Variants in EPS15L1 observed in about 807,000 individuals in gnomAD.
EPS15L1 encodes epidermal growth factor receptor substrate 15-like 1.
Under a neutral mutation model 117.1 loss-of-function variants are expected in EPS15L1, and 43 were observed. The ratio of observed to expected loss-of-function variants is 0.37; its 90% CI spans 0.29 to 0.47. The LOEUF is 0.47. EPS15L1 is among the 20% of genes least tolerant of loss of function. The probability of loss-of-function intolerance (pLI) is 0.99; values close to 1 mark genes in which losing one functional copy is unlikely to be tolerated. For missense variants in EPS15L1, 981 were observed against 1,164.0 expected, an observed-to-expected ratio of 0.84 and a Z score of 2.29; for synonymous variants, 459 against 470.5, an observed-to-expected ratio of 0.98 and a Z score of 0.32.
intron 12 of EPS15L1, among the ~76,000 whole-genome samples, chr19:16,415,680 G>A (rs755509285): frequency 4.6e-5 from 7 of 152,222 alleles, no homozygotes; most frequent in Non-Finnish European, 8.8e-5. Context: ...GCCACTGCAG[G>A]CCCCAGCCTC....
At chr19:16,427,823 G>A (rs955218938) in intron 8 of EPS15L1, among the ~76,000 whole-genome samples, 3 of 152,132 alleles carry the variant, frequency 2.0e-5, no homozygotes, top group Non-Finnish European at 4.4e-5. Context: ...GAACCCAGGA[G>A]GTGGAGGCTG....
chr19:16,437,349 G>A (rs1380473623), intron 5 of EPS15L1, among the ~76,000 whole-genome samples: 4 of 152,206 alleles, frequency 2.6e-5, no homozygotes, highest in African/African-American at 7.2e-5. Context: ...CAACATGGAT[G>A]AACCCTGAAA....
At chr19:16,418,189 A>C in intron 10 of EPS15L1, 85 bp from the exon 11 acceptor site, 7 of 1,462,178 alleles carry the variant, frequency 4.8e-6, no homozygotes, top group Non-Finnish European at 5.5e-6. Context: ...GCTTTTCAAA[A>C]ACGACAGCGA....
chr19:16,424,167 A>C (rs1444407482), intron 9 of EPS15L1, among the ~76,000 whole-genome samples: 1 of 152,192 alleles, frequency 6.6e-6, no homozygotes, highest in African/African-American at 2.4e-5. Flanking sequence ...ATGAGGGCAA[A>C]ATCGGGTGGC....
intron 22 of EPS15L1, among the ~76,000 whole-genome samples, chr19:16,369,268 A>G (rs2092186523): frequency 6.6e-6 from 1 of 152,184 alleles, no homozygotes; most frequent in African/African-American, 2.4e-5. Flanking sequence ...CCCGGGAGAT[A>G]AGAATCTGAG....
At chr19:16,406,665 C>T (rs987759983) in intron 13 of EPS15L1, among the ~76,000 whole-genome samples, 14 of 152,370 alleles carry the variant, frequency 9.2e-5, no homozygotes, top group South Asian at 8.3e-4. Flanking sequence ...CTAGGGGCTC[C>T]AACACCTTTG....
chr19:16,422,874 C>T (rs2092831036), intron 9 of EPS15L1, among the ~76,000 whole-genome samples: 1 of 150,420 alleles, frequency 6.6e-6, no homozygotes, highest in Admixed American at 6.7e-5. Context: ...AGGAGAATTG[C>T]TTGAACCTGG....
chr19:16,424,666 C>CT (rs914284719), intron 9 of EPS15L1, among the ~76,000 whole-genome samples: 35 of 146,932 alleles, frequency 2.4e-4, no homozygotes, highest in Non-Finnish European at 3.2e-4. Context: ...TAAATGAATA[C>CT]TTTTTTTTTT....
Position 16,434,474 on chromosome 19 carries a change from T to C in EPS15L1, c.389A>G (p.Lys130Arg). Residue 130 changes from lysine (K) to arginine (R), a missense_variant, in exon 7 of 24, where the codon AAA becomes AGA. Physicochemically the swap from Lys to Arg is conservative, Grantham distance 26 (BLOSUM62 2). Coordinates refer to ENST00000455140, the MANE Select transcript of EPS15L1 (RefSeq NM_001258374.3). ...HWAVRVEEKAKFDGIFESLLP... is the reference protein window; with the variant it reads ...HWAVRVEEKARFDGIFESLLP... ...GAGGCTTTCAAAAATCCCATCAAATTTGGCCTTTTCTTCCACCTAGTTGGA... is the reference window on the plus strand; with the variant it reads ...GAGGCTTTCAAAAATCCCATCAAATCTGGCCTTTTCTTCCACCTAGTTGGA... The C allele has an allele frequency of 6.2e-7, 1 of 1,614,020 alleles. No individual in the cohort carries two copies. Among genetic ancestry groups the C allele is most frequent in the Non-Finnish European group, 8.5e-7 (1 of 1,179,974 alleles).
In EPS15L1 at chr19:16,361,789, T is replaced by A. The variant is rs1319381559; in HGVS notation, c.2576A>T (p.Asp859Val). Residue 859 changes from aspartate (D) to valine (V), a missense_variant, in exon 23 of 24, where the codon GAC becomes GTC. Physicochemically the swap from Asp to Val is radical, Grantham distance 152. Transcript: ENST00000455140. ...GAGGACTCAACTTACAGAGGTGAAGTCTGCAAAGCCCGAGGCAGAGGCCTT... is the reference window on the plus strand; with the variant it reads ...GAGGACTCAACTTACAGAGGTGAAGACTGCAAAGCCCGAGGCAGAGGCCTT... ...PSKASASGFA[D>V]FTSFGNEEQQ... is the part of the protein sequence containing the mutation. 1.2e-6 allele frequency: 2 copies of A among 1,613,224 alleles called. No homozygotes were observed. Among genetic ancestry groups the A allele is most frequent in the East Asian group, 2.2e-5 (1 of 44,872 alleles).
chr19:16,411,791 C>G (rs886872928), intron 13 of EPS15L1, among the ~76,000 whole-genome samples: 3 of 152,180 alleles, frequency 2.0e-5, no homozygotes, highest in African/African-American at 7.2e-5. Flanking sequence ...CCTTAAACTC[C>G]TGGGCTCAAG....
rs563521816 is a variant in EPS15L1, at chr19:16,376,950, G to A, written c.2380+172C>T. ...CGGGCAGGCAGGAGGCACACACCAC[G>A]CACATACGGCACTTGCGTGGACCTG... On this transcript the variant is annotated intron_variant, in intron 22 of 23. Coordinates refer to ENST00000455140, the MANE Select transcript of EPS15L1 (RefSeq NM_001258374.3). 1.3e-3 allele frequency among the ~76,000 whole-genome samples: 205 copies of A among 152,334 alleles called. 1 individual carries two copies. The highest frequency in any genetic ancestry group is 3.4e-3 in the Middle Eastern group (1 of 294).
intron 15 of EPS15L1, among the ~76,000 whole-genome samples, chr19:16,403,299 G>A (rs901291098): frequency 1.3e-5 from 2 of 152,204 alleles, no homozygotes; most frequent in Non-Finnish European, 2.9e-5. Context: ...CCTGCATGGC[G>A]TGATGCTCCA....
intron 22 of EPS15L1, among the ~76,000 whole-genome samples, chr19:16,374,882 C>G (rs568723098): frequency 2.0e-5 from 3 of 152,196 alleles, no homozygotes; most frequent in Non-Finnish European, 4.4e-5. Flanking sequence ...TGTGTGTGCA[C>G]GTTTGCATGC....
chr19:16,451,422 T>C (rs918735936), intron 1 of EPS15L1, among the ~76,000 whole-genome samples: 3 of 152,182 alleles, frequency 2.0e-5, no homozygotes, highest in Admixed American at 6.5e-5. Flanking sequence ...AAAGGCGTTA[T>C]TATTAGTTGT....
At chr19:16,448,682 TAGC>T (rs1238267313) in intron 1 of EPS15L1, among the ~76,000 whole-genome samples, 1 of 151,202 alleles carries the variant, frequency 6.6e-6, no homozygotes, top group Non-Finnish European at 1.5e-5. Context: ...ACAAAAAAAT[TAGC>T]TGGGTGTAGT....
At chr19:16,355,959 A>C in intron 23 of EPS15L1, 108 bp from the exon 24 acceptor site, 2 of 1,349,986 alleles carry the variant, frequency 1.5e-6, no homozygotes, top group African/African-American at 1.4e-5. Context: ...CCCACCGCCC[A>C]GCGGAGGGTC....
At chr19:16,460,751 G>A (rs1016627686) in intron 1 of EPS15L1, among the ~76,000 whole-genome samples, 36 of 152,186 alleles carry the variant, frequency 2.4e-4, no homozygotes, top group Admixed American at 7.2e-4. Flanking sequence ...AGGGAAGAAC[G>A]TTTGCAAGAA....
intron 1 of EPS15L1, among the ~76,000 whole-genome samples, chr19:16,450,383 G>A (rs192558257): frequency 2.0e-5 from 3 of 152,182 alleles, no homozygotes; most frequent in Admixed American, 6.5e-5. Context: ...CCAGGGCAGG[G>A]AACGCATGCC....
Sources: allele counts gnomAD v4.1 joint callset (sites outside exome capture counted in the v4.1 genomes callset), GRCh38; gene constraint gnomAD v4.1.1; transcripts MANE v1.5; gene names NCBI Gene and HGNC (gene_info 2026-07-23, HGNC 2026-07-21).